The following CA10 variants were observed in gnomAD, a reference collection of about 807,000 sequenced individuals.
The protein encoded by CA10 is carbonic anhydrase 10 (inactive), also known as carbonic anhydrase-related protein 10.
Under a neutral mutation model 44.2 loss-of-function variants are expected in CA10, and 14 were observed. That is an observed-to-expected ratio of 0.32 (90% CI 0.21 to 0.50). The LOEUF is 0.50. Ranked by LOEUF, CA10 falls within the 20% of genes least tolerant of loss-of-function variation. The pLI, the probability that CA10 is intolerant of heterozygous loss-of-function variation, is 0.99. For synonymous variants in CA10, 159 were observed against 141.6 expected (o/e 1.12, Z -0.87); for missense variants, 350 against 409.7 (o/e 0.85, Z 1.26).
intron 3 of CA10, among the ~76,000 whole-genome samples, chr17:51,757,843 A>G (rs1385873909): frequency 2.0e-5 from 3 of 151,918 alleles, no homozygotes; most frequent in African/African-American, 7.3e-5. Flanking sequence ...GAGGGTGTGG[A>G]GCTTTAGGAG....
intron 1 of CA10, among the ~76,000 whole-genome samples, chr17:52,073,425 G>A (rs1987738287): frequency 1.3e-5 from 2 of 152,094 alleles, no homozygotes; most frequent in Admixed American, 6.5e-5. Context: ...ATAGTATAGT[G>A]AAGATACTTT....
intron 4 of CA10, among the ~76,000 whole-genome samples, chr17:51,703,868 T>C (rs546180635): frequency 6.6e-6 from 1 of 152,338 alleles, no homozygotes; most frequent in African/African-American, 2.4e-5. Context: ...CCCGGGCTGC[T>C]TGCCATTCCA....
At chr17:51,983,157 C>T (rs1359118149) in intron 2 of CA10, among the ~76,000 whole-genome samples, 8 of 151,724 alleles carry the variant, frequency 5.3e-5, no homozygotes, top group African/African-American at 1.7e-4. Flanking sequence ...ATAGAGTGTG[C>T]CATTTATCCA....
intron 3 of CA10, among the ~76,000 whole-genome samples, chr17:51,816,716 G>A (rs1474400623): frequency 6.6e-6 from 1 of 152,142 alleles, no homozygotes; most frequent in African/African-American, 2.4e-5. Flanking sequence ...GAAAGATCTT[G>A]TTTTATAATG....
intron 2 of CA10, among the ~76,000 whole-genome samples, chr17:51,935,877 G>A (rs1248237884): frequency 1.3e-5 from 2 of 152,102 alleles, no homozygotes; most frequent in Admixed American, 1.3e-4. Flanking sequence ...AGAAGAGCAA[G>A]GAACCAGAGG....
intron 3 of CA10, among the ~76,000 whole-genome samples, chr17:51,926,095 T>C (rs1982417510): frequency 6.6e-6 from 1 of 152,148 alleles, no homozygotes; most frequent in African/African-American, 2.4e-5. Flanking sequence ...AAAAAATGGC[T>C]GTCAAATATT....
intron 3 of CA10, among the ~76,000 whole-genome samples, chr17:51,880,637 C>T (rs1009640238): frequency 1.3e-5 from 2 of 152,124 alleles, no homozygotes; most frequent in African/African-American, 4.8e-5. Context: ...ATTTTCTAAT[C>T]TGTTGGGCTC....
intron 3 of CA10, among the ~76,000 whole-genome samples, chr17:51,760,291 C>T (rs758980073): frequency 1.3e-5 from 2 of 152,208 alleles, no homozygotes; most frequent in Non-Finnish European, 2.9e-5. Flanking sequence ...TTCGTCATTT[C>T]ATTGTATGCA....
chr17:52,136,739 A>T (rs1198239526), intron 1 of CA10, among the ~76,000 whole-genome samples: 1 of 152,168 alleles, frequency 6.6e-6, no homozygotes, highest in Non-Finnish European at 1.5e-5. Flanking sequence ...GTATTAACAT[A>T]AACAATATCA....
chr17:51,718,902 T>C (rs1206875510), intron 4 of CA10, among the ~76,000 whole-genome samples: 1 of 152,176 alleles, frequency 6.6e-6, no homozygotes, highest in Non-Finnish European at 1.5e-5. Context: ...AACACTTTGT[T>C]TTTTCTTTTC....
At chr17:52,069,542 C>A (rs1221323875) in intron 2 of CA10, among the ~76,000 whole-genome samples, 1 of 152,138 alleles carries the variant, frequency 6.6e-6, no homozygotes, top group African/African-American at 2.4e-5. Flanking sequence ...CATGTATAAA[C>A]CCTGTTGGAG....
chr17:51,796,004 G>A (rs759971941), intron 3 of CA10, among the ~76,000 whole-genome samples: 24 of 152,170 alleles, frequency 1.6e-4, no homozygotes, highest in Admixed American at 3.9e-4. Context: ...TTTATAGAAC[G>A]GGGCTTGCAG....
chr17:51,832,584 G>A (rs1486138482), intron 3 of CA10, among the ~76,000 whole-genome samples: 1 of 152,112 alleles, frequency 6.6e-6, no homozygotes. Context: ...GTTATACCTG[G>A]GCTCTTTGCA....
intron 2 of CA10, among the ~76,000 whole-genome samples, chr17:52,034,734 T>C (rs1986567654): frequency 6.6e-6 from 1 of 152,186 alleles, no homozygotes; most frequent in Non-Finnish European, 1.5e-5. Context: ...ATAACAGTGC[T>C]ACAATGACTA....
At chr17:51,968,169 A>G (rs1598145022) in intron 2 of CA10, among the ~76,000 whole-genome samples, 1 of 152,004 alleles carries the variant, frequency 6.6e-6, no homozygotes, top group East Asian at 1.9e-4. Context: ...ATAAAGTTAA[A>G]CATACATCTT....
intron 1 of CA10, among the ~76,000 whole-genome samples, chr17:52,138,811 TG>T (rs1217537326): frequency 1.3e-5 from 2 of 152,208 alleles, no homozygotes; most frequent in African/African-American, 4.8e-5. Flanking sequence ...CCTCAGACTC[TG>T]TGAGCACCTC....
intron 2 of CA10, among the ~76,000 whole-genome samples, chr17:52,017,404 A>C (rs1986001937): frequency 6.6e-6 from 1 of 152,128 alleles, no homozygotes; most frequent in African/African-American, 2.4e-5. Flanking sequence ...TATGAAAATG[A>C]GGAAGTTATT....
At chr17:51,644,172 C>A (rs1913222475) in intron 6 of CA10, among the ~76,000 whole-genome samples, 1 of 85,690 alleles carries the variant, frequency 1.2e-5, no homozygotes, top group Admixed American at 1.2e-4. Context: ...ACAGTTCCCC[C>A]CCTTTTTTTT....
intron 2 of CA10, among the ~76,000 whole-genome samples, chr17:51,961,136 C>A (rs571112914): frequency 2.0e-4 from 30 of 151,530 alleles, no homozygotes; most frequent in Non-Finnish European, 3.5e-4. Flanking sequence ...CCAGAACCCA[C>A]GATTGCATTA....
Sources: allele counts gnomAD v4.1 joint callset (sites outside exome capture counted in the v4.1 genomes callset), GRCh38; gene constraint gnomAD v4.1.1; transcripts MANE v1.5; gene names NCBI Gene and HGNC (gene_info 2026-07-23, HGNC 2026-07-21).